The following SCUBE1 variants were observed in gnomAD, a reference collection of about 807,000 sequenced individuals.
The protein encoded by SCUBE1 is signal peptide, CUB and EGF-like domain-containing protein 1.
A neutral mutation model predicts 124.4 loss-of-function variants in SCUBE1; 59 were observed. The ratio of observed to expected loss-of-function variants is 0.47; its 90% CI spans 0.38 to 0.59. SCUBE1 has a LOEUF of 0.59. SCUBE1 is among the 20% of genes least tolerant of loss of function. SCUBE1 has a pLI of 0.00. For synonymous variants in SCUBE1, 545 were observed against 550.9 expected, an observed-to-expected ratio of 0.99 and a Z score of 0.15; for missense variants, 1,150 against 1,371.2, an observed-to-expected ratio of 0.84 and a Z score of 2.55.
chr22:43,199,006 C>T lies in SCUBE1; in HGVS notation c.*4991G>A, dbSNP rs1370849439. 8.3e-5 allele frequency: 29 copies of T among 351,480 alleles called. No homozygotes were observed. The highest frequency in any genetic ancestry group is 1.8e-4 in the African/African-American group (8 of 44,766). The allele number at this position is 351,480 out of a possible 1,614,324, so 21.8% of individuals were successfully genotyped here. A position where few individuals can be genotyped will look rare whatever the true frequency, so the allele number is the denominator to read the frequency against. ...GCAACGTGTCTGTCTGTCTGCTGTCCGGGGCAGTGTGTCTGTTTGTCTCTC... is the reference window on the plus strand; with the variant it reads ...GCAACGTGTCTGTCTGTCTGCTGTCTGGGGCAGTGTGTCTGTTTGTCTCTC... On this transcript the variant is annotated 3_prime_UTR_variant, in exon 22 of 22. Transcript: ENST00000360835.
Position 43,210,808 on chromosome 22 carries a change from G to C in SCUBE1, c.2383+114C>G. 7.9e-7 allele frequency: 1 copy of C among 1,262,354 alleles called. No individual in the cohort carries two copies. The highest frequency in any genetic ancestry group is 1.3e-5 in the South Asian group (1 of 74,400). The allele number at this position is 1,262,354 out of a possible 1,614,324, so 78.2% of individuals were successfully genotyped here. On this transcript the variant is annotated intron_variant, in intron 18 of 21. Transcript: ENST00000360835. This position sits in a 1 kb window ranked among gnomAD's most constrained non-coding sequence, Gnocchi z 4.5. ...CCCGAGAGCAGACGGGACGGAGCGG[G>C]AGGAGTCCAGTGTCCTCGTGGAGCT...
At chr22:43,229,042 G>T in intron 9 of SCUBE1, 30 bp downstream of exon 9, 1 of 1,522,242 alleles carries the variant, frequency 6.6e-7, no homozygotes, top group East Asian at 2.3e-5. Flanking sequence ...GCCTCGGGGG[G>T]GAGGTGGCCC....
At chr22:43,326,444 G>A (rs1438755113) in intron 2 of SCUBE1, among the ~76,000 whole-genome samples, 1 of 152,122 alleles carries the variant, frequency 6.6e-6, no homozygotes, top group Non-Finnish European at 1.5e-5. Context: ...TTCTTGGGCT[G>A]CCTAGCAGGA....
At chr22:43,244,011 C>T (rs182324539) in intron 6 of SCUBE1, among the ~76,000 whole-genome samples, 1 of 152,176 alleles carries the variant, frequency 6.6e-6, no homozygotes, top group East Asian at 1.9e-4. Context: ...GTCAATTTCA[C>T]GGTGCTAGGT....
At chr22:43,295,312 C>T (rs576360934) in intron 3 of SCUBE1, among the ~76,000 whole-genome samples, 1 of 152,364 alleles carries the variant, frequency 6.6e-6, no homozygotes, top group East Asian at 1.9e-4. Flanking sequence ...TTCACTACTT[C>T]CTTCCTCTGC....
chr22:43,265,421 G>A (rs1924025783), intron 4 of SCUBE1, among the ~76,000 whole-genome samples: 1 of 152,216 alleles, frequency 6.6e-6, no homozygotes, highest in African/African-American at 2.4e-5. Flanking sequence ...TAGTCAGCTG[G>A]TCTCAAAGGT....
Position 43,255,719 on chromosome 22 carries a change from C to A in SCUBE1, c.727+2500G>T. 1 of 718,020 alleles carries A rather than the reference C, an allele frequency of 1.4e-6. No individual in the cohort carries two copies. Among genetic ancestry groups the A allele is most frequent in the Non-Finnish European group, 2.4e-6 (1 of 419,646 alleles). The allele number at this position is 718,020 out of a possible 1,614,324, so 44.5% of individuals were successfully genotyped here. A position where few individuals can be genotyped will look rare whatever the true frequency, so the allele number is the denominator to read the frequency against. On this transcript the variant is annotated intron_variant, in intron 6 of 21. Transcript: ENST00000360835. The surrounding 1 kb of genome is among the most constrained non-coding windows in gnomAD (Gnocchi z 4.7). ...CCAGCTCGGCATCCTCGCCAAGGGG[C>A]TAATCCCAGGAACCTCCAAGGTGGG...
rs1260555408 is a variant in SCUBE1 at position 43,211,935 on chromosome 22, A to G, written c.2221+490T>C. ...AGGCCACCTGGACAGACAGACAGAC[A>G]CTGAGAGGGAGCACGGTGGGGAAGC... On this transcript the variant is annotated intron_variant, in intron 17 of 21. Coordinates refer to ENST00000360835, the MANE Select transcript of SCUBE1 (RefSeq NM_173050.5). This position sits in a 1 kb window ranked among gnomAD's most constrained non-coding sequence, Gnocchi z 4.5. 6.6e-6 allele frequency among the ~76,000 whole-genome samples: 1 copy of G among 152,166 alleles called. No individual in the cohort carries two copies. The highest frequency in any genetic ancestry group is 1.5e-5 in the Non-Finnish European group (1 of 68,020).
chr22:43,231,730 C>G (rs755008876), intron 8 of SCUBE1, 23 bp downstream of exon 8: 1 of 1,559,136 alleles, frequency 6.4e-7, no homozygotes, highest in South Asian at 1.2e-5. Flanking sequence ...CCGAGAGCCA[C>G]CCGGGGCATG....
chr22:43,233,927 TATC>T (rs769896807), intron 7 of SCUBE1, among the ~76,000 whole-genome samples: 28 of 151,722 alleles, frequency 1.8e-4, no homozygotes, highest in Admixed American at 3.9e-4. Context: ...TACTTTCTGG[TATC>T]ATCTCGTGTG....
chr22:43,247,617 G>C (rs1468882277), intron 6 of SCUBE1, among the ~76,000 whole-genome samples: 1 of 152,344 alleles, frequency 6.6e-6, no homozygotes, highest in East Asian at 1.9e-4. Flanking sequence ...TCAAGTCAGG[G>C]CTAACCTTGG....
intron 21 of SCUBE1, among the ~76,000 whole-genome samples, chr22:43,204,681 AC>A (rs1179437597): frequency 6.6e-6 from 1 of 151,858 alleles, no homozygotes; most frequent in African/African-American, 2.4e-5. Context: ...GTGGTGGCTC[AC>A]ACCTGTAATC....
At position 43,255,950 on chromosome 22, in the gene SCUBE1, A is replaced by G. The variant is rs1923645671; in HGVS notation, c.727+2269T>C. 6.6e-6 allele frequency among the ~76,000 whole-genome samples: 1 copy of G among 152,120 alleles called. No homozygotes were observed. The highest frequency in any genetic ancestry group is 2.4e-5 in the African/African-American group (1 of 41,434). On this transcript the variant is annotated intron_variant, in intron 6 of 21. Transcript: ENST00000360835. This position sits in a 1 kb window ranked among gnomAD's most constrained non-coding sequence, Gnocchi z 4.7. Reference sequence around the variant, plus strand: ...AAAGCACCACCATGGTGCTTTACGGAGACACAAGTGATTACAGACCCCCGT... The same window carrying G: ...AAAGCACCACCATGGTGCTTTACGGGGACACAAGTGATTACAGACCCCCGT...
intron 1 of SCUBE1, among the ~76,000 whole-genome samples, chr22:43,342,683 T>A (rs897030892): frequency 2.0e-5 from 3 of 151,824 alleles, no homozygotes; most frequent in Non-Finnish European, 4.4e-5. Flanking sequence ...TCTCCGGGCT[T>A]CCTTTTGTCT....
intron 2 of SCUBE1, among the ~76,000 whole-genome samples, chr22:43,329,712 T>A (rs989261508): frequency 3.3e-5 from 5 of 152,182 alleles, no homozygotes; most frequent in African/African-American, 1.2e-4. Context: ...CCCTGGCCCA[T>A]CTGGAAGCCT....
intron 7 of SCUBE1, chr22:43,238,356 A>AT: frequency 4.0e-6 from 1 of 247,422 alleles, no homozygotes; most frequent in South Asian, 9.1e-5. Context: ...CACTGTCCTT[A>AT]TTTTTCCTGG....
chr22:43,297,038 G>A (rs2146758487), intron 3 of SCUBE1, among the ~76,000 whole-genome samples: 1 of 152,360 alleles, frequency 6.6e-6, no homozygotes, highest in Admixed American at 6.5e-5. Context: ...AGCATTTGGA[G>A]CACAAAAGAG....
rs538093713 is a variant in SCUBE1, at chr22:43,304,177, A to T, written c.350-12997T>A. Among the ~76,000 whole-genome samples, 4 of 152,328 alleles carry T rather than the reference A, an allele frequency of 2.6e-5. No homozygotes were observed. The South Asian group carries it at 8.3e-4, about 32-fold the overall frequency. ...TGAAGACCCCTGTTAACCTGCATACAACTGACTGACTCTCCTGCCGTACAG... is the reference window on the plus strand; with the variant it reads ...TGAAGACCCCTGTTAACCTGCATACTACTGACTGACTCTCCTGCCGTACAG... On this transcript the variant is annotated intron_variant, in intron 3 of 21. Coordinates refer to ENST00000360835, the MANE Select transcript of SCUBE1 (RefSeq NM_173050.5).
At chr22:43,339,341 G>C in intron 1 of SCUBE1, 106 bp from the exon 2 acceptor site, 5 of 1,133,744 alleles carry the variant, frequency 4.4e-6, no homozygotes, top group Non-Finnish European at 6.3e-6. Flanking sequence ...TCCATTGATC[G>C]GTGGGCTCAT....
Sources: gnomAD v4.1 joint callset for allele counts (sites outside exome capture counted in the v4.1 genomes callset) on GRCh38, gnomAD v4.1.1 for gene constraint, Gnocchi (gnomAD v3.1) non-coding constraint, MANE v1.5 for transcripts, NCBI Gene and HGNC (gene_info 2026-07-23, HGNC 2026-07-21) for gene names.